AP1G1: variants seen among roughly 807,000 people sequenced by gnomAD.
AP1G1 encodes adaptor related protein complex 1 subunit gamma 1.
In AP1G1, 7 loss-of-function variants were observed where a neutral mutation model predicts 108.3. That is an observed-to-expected ratio of 0.06 (90% confidence interval 0.04 to 0.12). AP1G1 has a LOEUF of 0.12. Ranked by LOEUF, AP1G1 falls within the 10% of genes least tolerant of loss-of-function variation. AP1G1 has a pLI of 1.00. For synonymous variants in AP1G1, 379 were observed against 353.5 expected (o/e 1.07, Z -0.81); for missense variants, 756 against 1,010.7 (o/e 0.75, Z 3.42).
chr16:71,758,293 G>A (rs1713364831), intron 11 of AP1G1: 1 of 404,404 alleles, frequency 2.5e-6, no homozygotes, highest in Non-Finnish European at 5.0e-6. Flanking sequence ...TGAGGGAAGA[G>A]ATTTATGCTT....
At chr16:71,755,924 G>C in intron 12 of AP1G1, 95 bp downstream of exon 12, 1 of 1,375,490 alleles carries the variant, frequency 7.3e-7, no homozygotes. Context: ...GACTGCAGGC[G>C]TGTGCCACCG....
intron 21 of AP1G1, among the ~76,000 whole-genome samples, chr16:71,738,646 C>A (rs1343957189): frequency 6.6e-6 from 1 of 152,186 alleles, no homozygotes; most frequent in African/African-American, 2.4e-5. Flanking sequence ...AAAGCCTAAC[C>A]TATCCTCAAT....
chr16:71,781,946 T>C (rs556794918), intron 2 of AP1G1, among the ~76,000 whole-genome samples: 21 of 152,360 alleles, frequency 1.4e-4, no homozygotes, highest in Non-Finnish European at 2.1e-4. Flanking sequence ...GTATGAACTT[T>C]CACCAGGAGG....
intron 6 of AP1G1, among the ~76,000 whole-genome samples, chr16:71,767,385 C>T (rs375067768): frequency 6.6e-6 from 1 of 152,166 alleles, no homozygotes; most frequent in East Asian, 1.9e-4. Flanking sequence ...TTTTAATATT[C>T]CAAAACTTCT....
At chr16:71,754,235 G>A (rs539087875) in intron 12 of AP1G1, among the ~76,000 whole-genome samples, 7 of 148,504 alleles carry the variant, frequency 4.7e-5, no homozygotes, top group Admixed American at 2.7e-4. Flanking sequence ...GAAAAGAAAG[G>A]GAAGAAAGAG....
Position 71,766,189 on chromosome 16 carries a change from G to A in AP1G1, c.643-605C>T, listed in dbSNP as rs537801032. Among the ~76,000 whole-genome samples the A allele has an allele frequency of 2.6e-5, 4 of 152,176 alleles. No individual in the cohort carries two copies. The South Asian group carries it at 8.3e-4, about 32-fold the overall frequency. ...GAAAAAATTACATCTTTCATCTTAA[G>A]AGACATCAAGGCCATGAATAATTTC... On this transcript the variant is annotated intron_variant, in intron 6 of 22. Coordinates refer to ENST00000299980, the MANE Select transcript of AP1G1 (RefSeq NM_001128.6).
At chr16:71,788,556 C>T (rs2032289625) in intron 2 of AP1G1, among the ~76,000 whole-genome samples, 1 of 152,098 alleles carries the variant, frequency 6.6e-6, no homozygotes, top group Non-Finnish European at 1.5e-5. Flanking sequence ...ATAGACGCCA[C>T]CAATTGGCAA....
At chr16:71,751,192 A>G (rs998402029) in intron 13 of AP1G1, 3 of 151,906 alleles carry the variant, frequency 2.0e-5, no homozygotes, top group African/African-American at 7.3e-5. Flanking sequence ...TGTCCAAATT[A>G]AAAAAGGAAG....
At chr16:71,786,752 C>G (rs2032218424) in intron 2 of AP1G1, among the ~76,000 whole-genome samples, 2 of 152,118 alleles carry the variant, frequency 1.3e-5, no homozygotes, top group African/African-American at 4.8e-5. Context: ...AGCCACCGCA[C>G]CCAGCCCAAA....
At chr16:71,745,694 A>G (rs1314150900) in intron 17 of AP1G1, 80 bp from the exon 18 acceptor site, 3 of 1,243,528 alleles carry the variant, frequency 2.4e-6, no homozygotes, top group Non-Finnish European at 3.5e-6. Context: ...AACTATGTTG[A>G]GCCCAAGCAT....
At chr16:71,764,621 T>C (rs1597058965) in intron 8 of AP1G1, 25 bp downstream of exon 8, 3 of 1,505,026 alleles carry the variant, frequency 2.0e-6, no homozygotes, top group Non-Finnish European at 2.7e-6. Context: ...AATAAATATA[T>C]ATTTAATATG....
chr16:71,772,406 GGCATGAGCCA>G (rs2031611465), intron 4 of AP1G1, among the ~76,000 whole-genome samples: 1 of 152,210 alleles, frequency 6.6e-6, no homozygotes, highest in Admixed American at 6.5e-5. Context: ...TGGGATTACA[GGCATGAGCCA>G]CCATGCCCAG....
At chr16:71,739,493 A>C (rs956149048) in intron 19 of AP1G1, 152 bp from the exon 20 acceptor site, 1 of 594,072 alleles carries the variant, frequency 1.7e-6, no homozygotes, top group Middle Eastern at 4.3e-4. Flanking sequence ...AGAACTAAAA[A>C]CTCAAGTACT....
chr16:71,748,487 C>T (rs112419195), intron 15 of AP1G1, 109 bp from the exon 16 acceptor site: 2 of 1,270,776 alleles, frequency 1.6e-6, no homozygotes, highest in Admixed American at 2.6e-5. Flanking sequence ...CCTACCGTTA[C>T]AAAAGCCTCT....
chr16:71,754,854 A>G lies in AP1G1; in HGVS notation c.1230-967T>C, dbSNP rs979776401. ...ACATAGTCAAACTCAGATGTTTCCCATAAGATTGCAATAAGAGTTGCTAAG... is the reference window on the plus strand; with the variant it reads ...ACATAGTCAAACTCAGATGTTTCCCGTAAGATTGCAATAAGAGTTGCTAAG... On this transcript the variant is annotated intron_variant, in intron 12 of 22. Coordinates refer to ENST00000299980, the MANE Select transcript of AP1G1 (RefSeq NM_001128.6). 1.8e-4 allele frequency among the ~76,000 whole-genome samples: 28 copies of G among 152,102 alleles called. 1 individual carries two copies. The highest frequency in any genetic ancestry group is 3.8e-4 in the East Asian group (2 of 5,196).
intron 11 of AP1G1, chr16:71,758,445 C>G (rs1369936760): frequency 1.9e-6 from 1 of 525,802 alleles, no homozygotes; most frequent in East Asian, 5.4e-5. Context: ...TGACAAGACA[C>G]TTAGCCGATG....
chr16:71,788,273 A>G (rs577509338), intron 2 of AP1G1, among the ~76,000 whole-genome samples: 6 of 152,340 alleles, frequency 3.9e-5, no homozygotes, highest in South Asian at 4.1e-4. Context: ...TTCCTTAGAG[A>G]GACTATTTAG....
chr16:71,783,974 T>G (rs779169071), intron 2 of AP1G1, among the ~76,000 whole-genome samples: 8 of 152,182 alleles, frequency 5.3e-5, no homozygotes, highest in Non-Finnish European at 1.0e-4. Flanking sequence ...TTCTGGGTTG[T>G]GCTTAACCTA....
In AP1G1 at chr16:71,746,581, C is replaced by T. The variant is rs774534590; in HGVS notation, c.1730+7G>A. 1.1e-5 allele frequency: 18 copies of T among 1,568,068 alleles called. No homozygotes were observed. Among genetic ancestry groups the T allele is most frequent in the African/African-American group, 4.1e-5 (3 of 73,966 alleles). ...GATACACGCATTGCTTAGTTTCTTTCGCTCACCTCATGTGGTCATATTTCT... is the reference window on the plus strand; with the variant it reads ...GATACACGCATTGCTTAGTTTCTTTTGCTCACCTCATGTGGTCATATTTCT... On this transcript the variant is annotated splice_region_variant and intron_variant, in intron 17 of 22. Coordinates refer to ENST00000299980, the MANE Select transcript of AP1G1 (RefSeq NM_001128.6).
Sources: allele counts gnomAD v4.1 joint callset (sites outside exome capture counted in the v4.1 genomes callset), GRCh38; gene constraint gnomAD v4.1.1; transcripts MANE v1.5; gene names NCBI Gene and HGNC (gene_info 2026-07-23, HGNC 2026-07-21).